The following GRM1 variants were observed in gnomAD, a reference collection of about 807,000 sequenced individuals.
The protein encoded by GRM1 is metabotropic glutamate receptor 1.
GRM1 carries 33 observed loss-of-function variants against 90.9 expected under a neutral mutation model. The ratio of observed to expected loss-of-function variants is 0.36; its 90% CI spans 0.28 to 0.49. The LOEUF (loss-of-function observed/expected upper bound fraction) is 0.49, where lower values mean the gene tolerates loss of function less well. GRM1 is among the 20% of genes least tolerant of loss of function. GRM1 has a pLI of 0.99. For missense variants in GRM1, 1,190 were observed against 1,534.3 expected (o/e 0.78, Z 3.75); for synonymous variants, 700 against 613.2 (o/e 1.14, Z -2.09).
chr6:146,173,028 G>C (rs1329917600), intron 2 of GRM1, among the ~76,000 whole-genome samples: 2 of 152,106 alleles, frequency 1.3e-5, no homozygotes, highest in African/African-American at 4.8e-5. Flanking sequence ...TAAAAGTCTG[G>C]ATGGACTTTG....
intron 1 of GRM1, among the ~76,000 whole-genome samples, chr6:146,040,712 C>T (rs570081749): frequency 2.0e-5 from 3 of 152,014 alleles, no homozygotes; most frequent in Admixed American, 6.6e-5. Flanking sequence ...TTATTATATG[C>T]CTTGGGGTAG....
At chr6:146,225,104 G>A (rs994654906) in intron 2 of GRM1, among the ~76,000 whole-genome samples, 7 of 152,088 alleles carry the variant, frequency 4.6e-5, no homozygotes, top group Admixed American at 1.3e-4. Context: ...GAAGACTTAA[G>A]AAAATTTCTC....
intron 3 of GRM1, among the ~76,000 whole-genome samples, chr6:146,310,136 T>A (rs930443334): frequency 2.0e-5 from 3 of 152,248 alleles, no homozygotes; most frequent in Admixed American, 1.3e-4. Context: ...ACTGGTAAGA[T>A]GATGATAGCT....
At chr6:146,316,233 G>A (rs1430899472) in intron 3 of GRM1, among the ~76,000 whole-genome samples, 2 of 152,110 alleles carry the variant, frequency 1.3e-5, no homozygotes, top group Non-Finnish European at 2.9e-5. Flanking sequence ...CATATCCAAA[G>A]CCAGGAACTT....
intron 3 of GRM1, among the ~76,000 whole-genome samples, chr6:146,338,549 C>T (rs999853637): frequency 1.3e-5 from 2 of 152,214 alleles, no homozygotes; most frequent in Non-Finnish European, 2.9e-5. Context: ...AAAATAGTCA[C>T]TGTGGACTGA....
At chr6:146,222,675 C>T (rs576382561) in intron 2 of GRM1, among the ~76,000 whole-genome samples, 1 of 152,198 alleles carries the variant, frequency 6.6e-6, no homozygotes, top group East Asian at 1.9e-4. Flanking sequence ...TCTCAGTATA[C>T]TGATTCAAAT....
chr6:146,125,266 C>T (rs945409088), intron 1 of GRM1, among the ~76,000 whole-genome samples: 1 of 152,090 alleles, frequency 6.6e-6, no homozygotes, highest in African/African-American at 2.4e-5. Context: ...TCAACTGTAA[C>T]AATTAAACAT....
intron 1 of GRM1, among the ~76,000 whole-genome samples, chr6:146,033,516 A>C (rs2128836699): frequency 6.6e-6 from 1 of 152,214 alleles, no homozygotes; most frequent in Non-Finnish European, 1.5e-5. Flanking sequence ...TGAGTGGATA[A>C]ATTTTCATTC....
chr6:146,137,214 G>C (rs1042116720), intron 1 of GRM1, among the ~76,000 whole-genome samples: 1 of 152,128 alleles, frequency 6.6e-6, no homozygotes, highest in African/African-American at 2.4e-5. Context: ...GCCTATTCTT[G>C]TGGAGTATAC....
intron 3 of GRM1, among the ~76,000 whole-genome samples, chr6:146,334,865 T>C (rs1784713766): frequency 6.6e-6 from 1 of 152,156 alleles, no homozygotes; most frequent in Admixed American, 6.6e-5. Flanking sequence ...CTTGACAACA[T>C]CATTTTCTCT....
intron 2 of GRM1, among the ~76,000 whole-genome samples, chr6:146,267,823 A>G (rs1157570649): frequency 6.6e-6 from 1 of 151,946 alleles, no homozygotes; most frequent in Non-Finnish European, 1.5e-5. Context: ...CACCAGATTA[A>G]GGGTGGATGT....
intron 2 of GRM1, among the ~76,000 whole-genome samples, chr6:146,241,418 G>A (rs1379984879): frequency 6.6e-6 from 1 of 152,048 alleles, no homozygotes; most frequent in East Asian, 1.9e-4. Flanking sequence ...TCTTAAAAGG[G>A]AATAATATTG....
chr6:146,355,885 C>A (rs76597896), intron 4 of GRM1, among the ~76,000 whole-genome samples: 4 of 152,226 alleles, frequency 2.6e-5, no homozygotes, highest in South Asian at 2.1e-4. Context: ...TGATTAATTG[C>A]CATTTCCTTC....
intron 5 of GRM1, among the ~76,000 whole-genome samples, chr6:146,362,398 G>T (rs1583387596): frequency 6.6e-6 from 1 of 152,008 alleles, no homozygotes; most frequent in Non-Finnish European, 1.5e-5. Flanking sequence ...AAGACATTCC[G>T]GCCGGGTGCG....
chr6:146,131,665 A>G (rs1776402166), intron 1 of GRM1, among the ~76,000 whole-genome samples: 1 of 152,184 alleles, frequency 6.6e-6, no homozygotes, highest in Non-Finnish European at 1.5e-5. Flanking sequence ...CAGGAGAGTG[A>G]ATTTATTCAT....
intron 1 of GRM1, among the ~76,000 whole-genome samples, chr6:146,065,458 A>G (rs1360378061): frequency 6.6e-6 from 1 of 152,224 alleles, no homozygotes; most frequent in Non-Finnish European, 1.5e-5. Flanking sequence ...AATCTGTAAA[A>G]TACAGATAAT....
chr6:146,067,906 G>T (rs1475548795), intron 1 of GRM1, among the ~76,000 whole-genome samples: 1 of 152,132 alleles, frequency 6.6e-6, no homozygotes, highest in African/African-American at 2.4e-5. Flanking sequence ...TCATAATAGA[G>T]AAAATAATCT....
chr6:146,265,038 G>C (rs1781829868), intron 2 of GRM1, among the ~76,000 whole-genome samples: 3 of 151,892 alleles, frequency 2.0e-5, no homozygotes, highest in Non-Finnish European at 2.9e-5. Flanking sequence ...TTTTCCTTTG[G>C]GTAAATACCC....
At chr6:146,091,016 C>T (rs924582450) in intron 1 of GRM1, among the ~76,000 whole-genome samples, 4 of 152,006 alleles carry the variant, frequency 2.6e-5, no homozygotes, top group African/African-American at 9.7e-5. Context: ...TAGAAAATGC[C>T]ACTTGACCTA....
Sources: allele counts gnomAD v4.1 joint callset (sites outside exome capture counted in the v4.1 genomes callset), GRCh38; gene constraint gnomAD v4.1.1; transcripts MANE v1.5; gene names NCBI Gene and HGNC (gene_info 2026-07-23, HGNC 2026-07-21).